TMC1: variants seen among roughly 807,000 people sequenced by gnomAD.
TMC1 encodes the protein transmembrane channel-like protein 1.
A neutral mutation model predicts 105.8 loss-of-function variants in TMC1; 84 were observed. That is an observed-to-expected ratio of 0.79 (90% CI 0.67 to 0.95). The LOEUF is 0.95. Among genes scored for constraint, TMC1 ranks in the 40% least tolerant of loss-of-function variants. The pLI is 0.00. For missense variants in TMC1, 817 were observed against 914.1 expected (o/e 0.89, Z 1.37); for synonymous variants, 315 against 311.5 (o/e 1.01, Z -0.12).
chr9:72,748,121 G>A (rs988385025), intron 10 of TMC1, among the ~76,000 whole-genome samples: 3 of 152,044 alleles, frequency 2.0e-5, no homozygotes, highest in Non-Finnish European at 2.9e-5. Context: ...TTTACTTAAA[G>A]GGCCATATAG....
chr9:72,568,057 C>T (rs936478932), intron 1 of TMC1, among the ~76,000 whole-genome samples: 6 of 148,692 alleles, frequency 4.0e-5, no homozygotes, highest in East Asian at 2.0e-4. Context: ...GAGGGTGTGG[C>T]GCTGCCCTCA....
At chr9:72,593,765 C>T (rs756010056) in intron 2 of TMC1, among the ~76,000 whole-genome samples, 2 of 151,504 alleles carry the variant, frequency 1.3e-5, no homozygotes, top group South Asian at 2.1e-4. Context: ...TGGAAACAGG[C>T]GAAAACCTAG....
At chr9:72,770,561 G>T (rs1827909443) in intron 12 of TMC1, among the ~76,000 whole-genome samples, 1 of 150,156 alleles carries the variant, frequency 6.7e-6, no homozygotes. Context: ...TAGAATTACA[G>T]GTGTGAGTCA....
At chr9:72,798,826 A>C (rs769217208) in intron 17 of TMC1, among the ~76,000 whole-genome samples, 2 of 152,022 alleles carry the variant, frequency 1.3e-5, no homozygotes, top group African/African-American at 4.8e-5. Flanking sequence ...ATGTACTACT[A>C]AACCTAAAAT....
rs2589614 is a variant in TMC1 at position 72,694,930 on chromosome 9, T to C, written c.236+216T>C. Among the ~76,000 whole-genome samples the C allele has an allele frequency of 0.51, 77,832 of 151,942 alleles. 21,258 individuals carry two copies. The highest frequency in any genetic ancestry group is 0.73 in the African/African-American group (30,066 of 41,428). On this transcript the variant is annotated intron_variant, in intron 7 of 23. Transcript: ENST00000297784. ...ATTAAAAATGGACCATGAGAAATTC[T>C]CTTATGAAGGATCTGAATTATCATA...
intron 8 of TMC1, among the ~76,000 whole-genome samples, chr9:72,708,600 T>C (rs920139706): frequency 6.6e-6 from 1 of 152,134 alleles, no homozygotes; most frequent in African/African-American, 2.4e-5. Flanking sequence ...GAGCTACTGA[T>C]TTGTGTACAT....
chr9:72,786,931 A>G (rs916458450), intron 13 of TMC1, among the ~76,000 whole-genome samples: 3 of 151,992 alleles, frequency 2.0e-5, no homozygotes, highest in Non-Finnish European at 4.4e-5. Context: ...CAGTGCAAAA[A>G]CTGGATAGTG....
At chr9:72,584,563 A>G (rs943493071) in intron 2 of TMC1, among the ~76,000 whole-genome samples, 2 of 152,008 alleles carry the variant, frequency 1.3e-5, no homozygotes, top group Admixed American at 1.3e-4. Flanking sequence ...CACCGCACCC[A>G]GCATAATGTC....
chr9:72,607,002 T>TATATATATAGAGAGAGAG (rs372785242), intron 2 of TMC1, among the ~76,000 whole-genome samples: 124 of 134,950 alleles, frequency 9.2e-4, no homozygotes, highest in Admixed American at 1.7e-3. Flanking sequence ...TATATATATA[T>TATATATATAGAGAGAGAG]AGAGAGAGAG....
intron 17 of TMC1, among the ~76,000 whole-genome samples, chr9:72,793,269 A>G (rs909731943): frequency 3.9e-5 from 6 of 152,166 alleles, no homozygotes; most frequent in African/African-American, 1.4e-4. Flanking sequence ...GAATCCAGTG[A>G]CAGTCTGCAG....
intron 1 of TMC1, among the ~76,000 whole-genome samples, chr9:72,566,730 CT>C (rs1439439121): frequency 1.3e-5 from 2 of 152,184 alleles, no homozygotes; most frequent in Admixed American, 1.3e-4. Flanking sequence ...TCCTCCTACC[CT>C]TGTGGACTCT....
intron 1 of TMC1, among the ~76,000 whole-genome samples, chr9:72,567,648 GA>G (rs1350715472): frequency 2.0e-5 from 3 of 152,076 alleles, no homozygotes; most frequent in Admixed American, 6.6e-5. Context: ...CAGCACGGGG[GA>G]AACCGCCCCC....
At chr9:72,536,613 T>G (rs913486416) in intron 1 of TMC1, among the ~76,000 whole-genome samples, 18 of 152,208 alleles carry the variant, frequency 1.2e-4, no homozygotes, top group African/African-American at 3.6e-4. Context: ...ATTACAGACG[T>G]GAGCCACCGC....
intron 8 of TMC1, among the ~76,000 whole-genome samples, chr9:72,716,356 C>T (rs559142434): frequency 2.6e-5 from 4 of 152,304 alleles, no homozygotes; most frequent in Admixed American, 6.5e-5. Flanking sequence ...TGAGGTTGCA[C>T]CCACAAACTC....
chr9:72,549,892 G>T (rs1012093593), intron 1 of TMC1, among the ~76,000 whole-genome samples: 4 of 151,758 alleles, frequency 2.6e-5, no homozygotes, highest in African/African-American at 9.7e-5. Flanking sequence ...GATTACAGAT[G>T]TGAGCCACCG....
At chr9:72,676,916 A>G (rs12003481) in intron 5 of TMC1, among the ~76,000 whole-genome samples, 15,082 of 152,150 alleles carry the variant, frequency 0.099, 796 homozygotes, top group Non-Finnish European at 0.13. Context: ...GAAATATAAC[A>G]AAAAGCAAAT....
At chr9:72,794,534 C>A (rs769364874) in intron 17 of TMC1, among the ~76,000 whole-genome samples, 6 of 152,210 alleles carry the variant, frequency 3.9e-5, no homozygotes, top group African/African-American at 1.4e-4. Context: ...ACATACCCCC[C>A]TCTGAAACCA....
intron 12 of TMC1, among the ~76,000 whole-genome samples, chr9:72,757,966 A>G (rs1207882837): frequency 6.6e-6 from 1 of 152,230 alleles, no homozygotes; most frequent in Non-Finnish European, 1.5e-5. Flanking sequence ...AAGTAAATAC[A>G]TAAGTAAATA....
chr9:72,674,606 C>T (rs1367497027), intron 5 of TMC1, among the ~76,000 whole-genome samples: 3 of 152,208 alleles, frequency 2.0e-5, no homozygotes, highest in Non-Finnish European at 4.4e-5. Context: ...CTGGGCCCAT[C>T]CCAGACCTAC....
Sources: allele counts gnomAD v4.1 joint callset (sites outside exome capture counted in the v4.1 genomes callset), GRCh38; gene constraint gnomAD v4.1.1; transcripts MANE v1.5; gene names NCBI Gene and HGNC (gene_info 2026-07-23, HGNC 2026-07-21).